The following TTC29 variants were observed in gnomAD, a reference collection of about 807,000 sequenced individuals.
The protein encoded by TTC29 is tetratricopeptide repeat domain 29.
In TTC29, 49 loss-of-function variants were observed where a neutral mutation model predicts 58.1. The observed-to-expected ratio is 0.84, with a 90% CI of 0.67 to 1.07. The LOEUF (loss-of-function observed/expected upper bound fraction) is 1.07. Ranked by LOEUF, TTC29 falls within the 50% of genes least tolerant of loss-of-function variation. The probability of loss-of-function intolerance (pLI) is 0.00; values close to 1 mark genes in which losing one functional copy is unlikely to be tolerated. For synonymous variants in TTC29, 209 were observed against 196.8 expected (o/e 1.06, Z -0.52); for missense variants, 582 against 555.6 (o/e 1.05, Z -0.48).
intron 6 of TTC29, among the ~76,000 whole-genome samples, chr4:146,885,161 T>G (rs1561219360): frequency 6.6e-6 from 1 of 152,076 alleles, no homozygotes; most frequent in East Asian, 1.9e-4. Flanking sequence ...GAGAACCTCC[T>G]CAGTCCCAGG....
At chr4:146,835,824 C>A (rs1451279558) in intron 8 of TTC29, among the ~76,000 whole-genome samples, 1 of 152,052 alleles carries the variant, frequency 6.6e-6, no homozygotes, top group East Asian at 1.9e-4. Flanking sequence ...ACTCTTGAAC[C>A]CATGGATAGA....
chr4:146,857,892 T>C (rs561363943), intron 8 of TTC29, among the ~76,000 whole-genome samples: 1 of 152,226 alleles, frequency 6.6e-6, no homozygotes, highest in Non-Finnish European at 1.5e-5. Flanking sequence ...TGTTGGTTTA[T>C]CTTCTTTCCA....
At chr4:146,776,249 T>C (rs949819066) in intron 11 of TTC29, among the ~76,000 whole-genome samples, 1 of 152,206 alleles carries the variant, frequency 6.6e-6, no homozygotes, top group African/African-American at 2.4e-5. Flanking sequence ...TAGATGTCGA[T>C]GATCTTCACT....
Position 146,833,807 on chromosome 4 carries a change from T to C in TTC29, c.976A>G (p.Ser326Gly), listed in dbSNP as rs1487151849. 6.2e-7 allele frequency: 1 copy of C among 1,612,094 alleles called. No individual in the cohort carries two copies. The highest frequency in any genetic ancestry group is 1.7e-5 in the Admixed American group (1 of 59,970). The part of the protein sequence containing the change: ...GYEAIAKVLQ[S>G]QGEMTEAIKY... ...CAAGATGAGAATGTGCTAACTTACC[T>C]CTGCAGGACCTTGGCTATGGCTTCA... The change falls in exon 9 of 13, where the codon AGC (serine) becomes GGC (glycine). Residue 326 changes from serine (S) to glycine (G), a missense_variant and splice_region_variant. By Grantham distance (56) the Ser-to-Gly change is moderately conservative (BLOSUM62 0). Coordinates refer to ENST00000325106, the MANE Select transcript of TTC29 (RefSeq NM_031956.4).
rs72958268 is a variant in TTC29, at chr4:146,866,249, A to G, written c.885+1249T>C. ...AATATCTATGAGCTAGTTTTCACCTAATTTTCCAATTTGACCTACAACTGA... is the reference window on the plus strand; with the variant it reads ...AATATCTATGAGCTAGTTTTCACCTGATTTTCCAATTTGACCTACAACTGA... On this transcript the variant is annotated intron_variant, in intron 8 of 12. Coordinates refer to ENST00000325106, the MANE Select transcript of TTC29 (RefSeq NM_031956.4). Among the ~76,000 whole-genome samples, 532 of 152,242 alleles carry G rather than the reference A, an allele frequency of 3.5e-3. 3 individuals carry two copies. The highest frequency in any genetic ancestry group is 0.012 in the African/African-American group (507 of 41,560).
intron 11 of TTC29, among the ~76,000 whole-genome samples, chr4:146,711,346 T>C (rs1742477387): frequency 3.9e-5 from 6 of 152,204 alleles, no homozygotes; most frequent in Admixed American, 2.6e-4. Flanking sequence ...TTTTGCCTTG[T>C]TGAAATATAT....
At chr4:146,798,399 G>A (rs556298321) in intron 11 of TTC29, among the ~76,000 whole-genome samples, 4 of 152,140 alleles carry the variant, frequency 2.6e-5, no homozygotes, top group Admixed American at 6.5e-5. Context: ...GCCAACCAGG[G>A]AAAAGTAAAA....
chr4:146,889,995 C>T (rs1348147908), intron 6 of TTC29, among the ~76,000 whole-genome samples: 2 of 152,112 alleles, frequency 1.3e-5, no homozygotes, highest in East Asian at 3.9e-4. Context: ...TATATTGAGT[C>T]ATGCCACTCC....
intron 9 of TTC29, among the ~76,000 whole-genome samples, chr4:146,826,955 C>T (rs925437571): frequency 2.0e-5 from 3 of 151,832 alleles, no homozygotes; most frequent in African/African-American, 7.3e-5. Context: ...TCCATCAGGT[C>T]GTTTATGTTC....
At position 146,750,881 on chromosome 4, in the gene TTC29, T is replaced by C. The variant is rs182009529; in HGVS notation, c.1331-43330A>G. 2.0e-3 allele frequency among the ~76,000 whole-genome samples: 300 copies of C among 152,246 alleles called. 3 individuals are homozygous for C. Among genetic ancestry groups the C allele is most frequent in the East Asian group, 7.7e-4 (4 of 5,192 alleles). On this transcript the variant is annotated intron_variant, in intron 11 of 12. Transcript: ENST00000325106. Reference sequence around the variant, plus strand: ...GTCTTTACCTATATCGATAATAACTTTGAATGTAAATGGATTAAATTATCC... The same window carrying C: ...GTCTTTACCTATATCGATAATAACTCTGAATGTAAATGGATTAAATTATCC...
rs143899189 is a variant in TTC29, at chr4:146,896,142, A to G, written c.586+7402T>C. ...AATTTTTTTACAGCAGGATTTCTCT[A>G]TTCTTGAACTTTTAATTTTGACTTA... On this transcript the variant is annotated intron_variant, in intron 6 of 12. Transcript: ENST00000325106. 1.2e-4 allele frequency among the ~76,000 whole-genome samples: 19 copies of G among 152,200 alleles called. No homozygotes were observed. In the East Asian group the frequency reaches 3.7e-3, roughly 29 times the overall value.
chr4:146,942,570 T>C (rs1171956986), intron 2 of TTC29: 2 of 1,524,712 alleles, frequency 1.3e-6, no homozygotes, highest in Non-Finnish European at 1.8e-6. Flanking sequence ...CAAACGGGCC[T>C]CCCAAGAGCT....
intron 8 of TTC29, among the ~76,000 whole-genome samples, chr4:146,849,639 T>C (rs1415149058): frequency 6.6e-6 from 1 of 152,172 alleles, no homozygotes; most frequent in Non-Finnish European, 1.5e-5. Context: ...TTTTAGGTCA[T>C]TCCTTTGCCT....
rs974169650 is a variant in TTC29, at chr4:146,737,362, A to G, written c.1331-29811T>C. On this transcript the variant is annotated intron_variant, in intron 11 of 12. Coordinates refer to ENST00000325106, the MANE Select transcript of TTC29 (RefSeq NM_031956.4). ...GCAGATATTCCTGTGTGTTTCCCTGAGGTGGTCACTTGAGTCCATGAAATG... is the reference window on the plus strand; with the variant it reads ...GCAGATATTCCTGTGTGTTTCCCTGGGGTGGTCACTTGAGTCCATGAAATG... Among the ~76,000 whole-genome samples, 92 of 152,234 alleles carry G rather than the reference A, an allele frequency of 6.0e-4. No individual in the cohort carries two copies. The Middle Eastern group carries it at 0.01, about 17-fold the overall frequency.
chr4:146,810,206 A>G (rs1253261497), intron 10 of TTC29, among the ~76,000 whole-genome samples: 1 of 152,196 alleles, frequency 6.6e-6, no homozygotes, highest in East Asian at 1.9e-4. Context: ...TGGGAGTTGA[A>G]CAGCGAGAAG....
chr4:146,782,645 T>TATCA (rs1385577252), intron 11 of TTC29, among the ~76,000 whole-genome samples: 1 of 151,980 alleles, frequency 6.6e-6, no homozygotes, highest in African/African-American at 2.4e-5. Flanking sequence ...GTTTTTCACA[T>TATCA]ATCAATGTAA....
intron 11 of TTC29, among the ~76,000 whole-genome samples, chr4:146,802,086 AT>A (rs556648266): frequency 5.1e-4 from 74 of 145,388 alleles, no homozygotes; most frequent in South Asian, 3.2e-3. Flanking sequence ...TTTCAGGAGT[AT>A]TTTTTTTTTC....
intron 4 of TTC29, among the ~76,000 whole-genome samples, chr4:146,915,393 G>C (rs1177811445): frequency 1.3e-5 from 2 of 152,030 alleles, no homozygotes; most frequent in African/African-American, 2.4e-5. Context: ...TTGGGTTGGA[G>C]ACAGAGATCA....
intron 8 of TTC29, among the ~76,000 whole-genome samples, chr4:146,843,235 T>C (rs10029061): frequency 0.72 from 110,048 of 152,112 alleles, 41,323 homozygotes; most frequent in African/African-American, 0.93. Context: ...ATCTGACATG[T>C]AATAAAAACA....
Sources: allele counts gnomAD v4.1 joint callset (sites outside exome capture counted in the v4.1 genomes callset), GRCh38; gene constraint gnomAD v4.1.1; transcripts MANE v1.5; gene names NCBI Gene and HGNC (gene_info 2026-07-23, HGNC 2026-07-21).